The following SH3PXD2A variants were observed in gnomAD, a reference collection of about 807,000 sequenced individuals.
SH3PXD2A encodes the protein SH3 and PX domain-containing protein 2A.
In SH3PXD2A, 32 loss-of-function variants were observed where a neutral mutation model predicts 115.2. The observed-to-expected ratio is 0.28, with a 90% CI of 0.21 to 0.37. The LOEUF is 0.37. Among genes scored for constraint, SH3PXD2A ranks in the 10% least tolerant of loss-of-function variants. The probability of loss-of-function intolerance (pLI) is 1.00; values close to 1 mark genes in which losing one functional copy is unlikely to be tolerated. For missense variants in SH3PXD2A, 1,328 were observed against 1,498.7 expected (o/e 0.89, Z 1.88); for synonymous variants, 610 against 629.1 (o/e 0.97, Z 0.45).
chr10:103,685,337 CAAAAAAAAAAAAA>C (rs775424414), intron 6 of SH3PXD2A, among the ~76,000 whole-genome samples: 72 of 56,392 alleles, frequency 1.3e-3, no homozygotes, highest in Middle Eastern at 0.02. Context: ...AACTCTGTCT[CAAAAAAAAAAAAA>C]AAAAAAAAAA....
At chr10:103,702,578 T>C (rs991892235) in intron 5 of SH3PXD2A, among the ~76,000 whole-genome samples, 17 of 130,928 alleles carry the variant, frequency 1.3e-4, no homozygotes, top group Admixed American at 5.6e-4. Context: ...CAGGAACAGA[T>C]GTAAGCCTGT....
rs1248582951 is a variant in SH3PXD2A, at chr10:103,666,801, G to T, written c.472+1807C>A. Among the ~76,000 whole-genome samples, 1 of 152,254 alleles carries T rather than the reference G, an allele frequency of 6.6e-6. No homozygotes were observed. The highest frequency in any genetic ancestry group is 1.5e-5 in the Non-Finnish European group (1 of 68,050). On this transcript the variant is annotated intron_variant, in intron 7 of 14. Transcript: ENST00000369774. This position sits in a 1 kb window ranked among gnomAD's most constrained non-coding sequence, Gnocchi z 4.5. ...TTTAAAGCAAGTGGAGGGAATGGGA[G>T]ATCTGAGGAGCAGCAAAGCTGTTGG... is the stretch of plus-strand genomic sequence containing the variant.
At chr10:103,688,194 G>A (rs1367316572) in intron 6 of SH3PXD2A, among the ~76,000 whole-genome samples, 1 of 152,156 alleles carries the variant, frequency 6.6e-6, no homozygotes. Flanking sequence ...AAAGCCTCCC[G>A]CTCTCTGCTC....
At chr10:103,605,148 C>T (rs867309529) in intron 14 of SH3PXD2A, among the ~76,000 whole-genome samples, 2 of 152,190 alleles carry the variant, frequency 1.3e-5, no homozygotes, top group African/African-American at 4.8e-5. Context: ...ATCTATCACC[C>T]TGTTTTGCAG....
chr10:103,731,538 T>A (rs1310547989), intron 4 of SH3PXD2A, among the ~76,000 whole-genome samples: 1 of 152,194 alleles, frequency 6.6e-6, no homozygotes, highest in African/African-American at 2.4e-5. Flanking sequence ...GGGTCTACTA[T>A]CTGGGTTGAG....
intron 5 of SH3PXD2A, among the ~76,000 whole-genome samples, chr10:103,701,204 A>G (rs2037896135): frequency 7.2e-6 from 1 of 138,876 alleles, no homozygotes; most frequent in Admixed American, 7.2e-5. Context: ...TCCATCATCC[A>G]TTTACCATCT....
intron 1 of SH3PXD2A, among the ~76,000 whole-genome samples, chr10:103,807,124 A>T (rs542645371): frequency 6.6e-6 from 1 of 152,290 alleles, no homozygotes; most frequent in South Asian, 2.1e-4. Flanking sequence ...CCAGACTTAC[A>T]GCGCAGCTCC....
chr10:103,644,114 CAA>C (rs71019685), intron 8 of SH3PXD2A, among the ~76,000 whole-genome samples: 24,673 of 73,616 alleles, frequency 0.34, 1,611 homozygotes, highest in East Asian at 0.45. Context: ...GGCTCCATCC[CAA>C]AAAAAAAAAA....
At chr10:103,848,213 TC>T (rs1842866279) in intron 1 of SH3PXD2A, among the ~76,000 whole-genome samples, 3 of 5,198 alleles carry the variant, frequency 5.8e-4, no homozygotes, top group African/African-American at 6.6e-4. Flanking sequence ...CTCCCTCTCC[TC>T]CTCCTCCTCC....
chr10:103,594,848 G>A lies in SH3PXD2A; in HGVS notation c.*6968C>T, dbSNP rs1270565023. ...CTCAGCAAACTGAACCACCACAGGT[G>A]TCAGAGATACTTGAGAATGACTGGT... On this transcript the variant is annotated 3_prime_UTR_variant, in exon 15 of 15. Transcript: ENST00000369774. 6.6e-6 allele frequency: 1 copy of A among 152,220 alleles called. No homozygotes were observed. Among genetic ancestry groups the A allele is most frequent in the East Asian group, 1.9e-4 (1 of 5,196 alleles). 9.4% of individuals were successfully genotyped at this position (152,220 alleles called of 1,614,324 possible).
At chr10:103,624,643 T>C (rs1357669248) in intron 9 of SH3PXD2A, among the ~76,000 whole-genome samples, 2 of 152,190 alleles carry the variant, frequency 1.3e-5, no homozygotes, top group Non-Finnish European at 2.9e-5. Flanking sequence ...CCTAAAGTAA[T>C]GAAGATGAGC....
chr10:103,713,599 C>A (rs1254028836), intron 5 of SH3PXD2A, among the ~76,000 whole-genome samples: 1 of 152,194 alleles, frequency 6.6e-6, no homozygotes, highest in Non-Finnish European at 1.5e-5. Flanking sequence ...TGAGCTCTTG[C>A]TTTAGTCTCA....
rs149607100 is a variant in SH3PXD2A, at chr10:103,827,434, G to A, written c.73-26072C>T. ...GCAAAGAGAATGTGGTTTGGAGTTA[G>A]AAAGACATGTGGGTTCAGGCCCAGC... is the stretch of plus-strand genomic sequence containing the variant. On this transcript the variant is annotated intron_variant, in intron 1 of 14. Transcript: ENST00000369774. Among the ~76,000 whole-genome samples the A allele has an allele frequency of 1.9e-3, 288 of 152,310 alleles. 1 individual carries two copies. The highest frequency in any genetic ancestry group is 6.6e-3 in the African/African-American group (275 of 41,566).
At chr10:103,743,420 C>T (rs1189843868) in intron 3 of SH3PXD2A, among the ~76,000 whole-genome samples, 2 of 152,030 alleles carry the variant, frequency 1.3e-5, no homozygotes, top group East Asian at 3.9e-4. Context: ...GAGAGAGGAT[C>T]TCATCTGCCA....
rs2036102050 is a variant in SH3PXD2A at position 103,594,144 on chromosome 10, AT to A, written c.*7671del. The A allele has an allele frequency of 6.6e-6, 1 of 152,632 alleles. No individual in the cohort carries two copies. Among genetic ancestry groups the A allele is most frequent in the Non-Finnish European group, 1.5e-5 (1 of 68,054 alleles). 9.5% of individuals were successfully genotyped at this position (152,632 alleles called of 1,614,324 possible). A position where few individuals can be genotyped will look rare whatever the true frequency, so the allele number is the denominator to read the frequency against. On this transcript the variant is annotated 3_prime_UTR_variant, in exon 15 of 15. Transcript: ENST00000369774. Reference sequence around the variant, plus strand: ...GTCTAGAAGCATGCCAAGACAGAGCATTTTCTGCAGACCAAAGAGTCCCGTC... The same window carrying A: ...GTCTAGAAGCATGCCAAGACAGAGCATTTCTGCAGACCAAAGAGTCCCGTC...
intron 1 of SH3PXD2A, among the ~76,000 whole-genome samples, chr10:103,837,190 T>C (rs1247417247): frequency 6.6e-6 from 1 of 152,194 alleles, no homozygotes; most frequent in Non-Finnish European, 1.5e-5. Flanking sequence ...AATTGCCCTC[T>C]TATTATCAAG....
At chr10:103,739,407 G>A (rs1237271836) in intron 3 of SH3PXD2A, among the ~76,000 whole-genome samples, 1 of 152,206 alleles carries the variant, frequency 6.6e-6, no homozygotes, top group Non-Finnish European at 1.5e-5. Context: ...CCTGACAGGA[G>A]CAACGTTTTC....
intron 3 of SH3PXD2A, among the ~76,000 whole-genome samples, chr10:103,740,492 G>A (rs2038432611): frequency 6.6e-6 from 1 of 152,166 alleles, no homozygotes; most frequent in African/African-American, 2.4e-5. Context: ...TGAGAGCCAG[G>A]GCCTGGGGCC....
chr10:103,757,990 G>A (rs757450953), intron 3 of SH3PXD2A, among the ~76,000 whole-genome samples: 6 of 152,152 alleles, frequency 3.9e-5, no homozygotes, highest in Admixed American at 6.5e-5. Flanking sequence ...ACAGGCTTGC[G>A]GCACCAGTCC....
Sources: gnomAD v4.1 joint callset for allele counts (sites outside exome capture counted in the v4.1 genomes callset) on GRCh38, gnomAD v4.1.1 for gene constraint, Gnocchi (gnomAD v3.1) non-coding constraint, MANE v1.5 for transcripts, NCBI Gene and HGNC (gene_info 2026-07-23, HGNC 2026-07-21) for gene names.